The following ATP13A4 variants were observed in gnomAD, a reference collection of about 807,000 sequenced individuals.
The protein encoded by ATP13A4 is probable cation-transporting ATPase 13A4.
ATP13A4 carries 114 observed loss-of-function variants against 142.5 expected under a neutral mutation model. That is an observed-to-expected ratio of 0.80 (90% CI 0.69 to 0.93). ATP13A4 has a LOEUF of 0.93. Among genes scored for constraint, ATP13A4 ranks in the 40% least tolerant of loss-of-function variants. The probability of loss-of-function intolerance (pLI) is 0.00; values close to 1 mark genes in which losing one functional copy is unlikely to be tolerated. For missense variants in ATP13A4, 1,392 were observed against 1,454.0 expected (o/e 0.96, Z 0.69); for synonymous variants, 488 against 514.8 (o/e 0.95, Z 0.70).
intron 3 of ATP13A4, among the ~76,000 whole-genome samples, chr3:193,498,878 T>A (rs1442085889): frequency 6.6e-6 from 1 of 152,234 alleles, no homozygotes; most frequent in African/African-American, 2.4e-5. Flanking sequence ...TTATAACCAT[T>A]AGATACATTT....
intron 21 of ATP13A4, 69 bp from the exon 22 acceptor site, chr3:193,439,134 C>T: frequency 6.2e-6 from 9 of 1,446,940 alleles, no homozygotes. Context: ...ATTAAAAAAA[C>T]AAAGTAACCA....
At chr3:193,409,192 T>A (rs190331601) in intron 28 of ATP13A4, among the ~76,000 whole-genome samples, 1 of 152,134 alleles carries the variant, frequency 6.6e-6, no homozygotes. Flanking sequence ...AGTTTCTAGG[T>A]TGCAAAACAA....
chr3:193,527,625 A>C (rs1179366002), intron 1 of ATP13A4, among the ~76,000 whole-genome samples: 1 of 151,070 alleles, frequency 6.6e-6, no homozygotes, highest in Non-Finnish European at 1.5e-5. Flanking sequence ...AAAAAAAAAA[A>C]AGGGCAGCAC....
rs1176950803 is a variant in ATP13A4 at position 193,526,615 on chromosome 3, TA to T, written c.61-11745del. Among the ~76,000 whole-genome samples the T allele has an allele frequency of 2.6e-5, 4 of 152,106 alleles. No individual in the cohort carries two copies. In the East Asian group the frequency reaches 7.7e-4, roughly 29 times the overall value. On this transcript the variant is annotated intron_variant, in intron 1 of 29. Transcript: ENST00000342695. Reference sequence around the variant, plus strand: ...TTCACATGTATCCCAGAACTTAAAGTAAAATAACAAAGAATTTTAAAATAAT... The same window carrying T: ...TTCACATGTATCCCAGAACTTAAAGTAAATAACAAAGAATTTTAAAATAAT...
At chr3:193,502,294 C>T (rs868454326) in intron 3 of ATP13A4, among the ~76,000 whole-genome samples, 199 bp downstream of exon 3, 1 of 152,060 alleles carries the variant, frequency 6.6e-6, no homozygotes. Context: ...AGAAAACAGG[C>T]TCAGCAGAGT....
At chr3:193,432,738 TAAAAG>T (rs1029415831) in intron 25 of ATP13A4, among the ~76,000 whole-genome samples, 5 of 150,044 alleles carry the variant, frequency 3.3e-5, no homozygotes, top group African/African-American at 9.8e-5. Flanking sequence ...AGTATAATAA[TAAAAG>T]AAAAGAAAAG....
chr3:193,471,311 C>T (rs9881657), intron 8 of ATP13A4, among the ~76,000 whole-genome samples: 36 of 152,030 alleles, frequency 2.4e-4, no homozygotes, highest in African/African-American at 7.7e-4. Context: ...GCCTGTAATC[C>T]CAGCACTTTT....
chr3:193,445,825 G>A (rs193212487), intron 18 of ATP13A4, among the ~76,000 whole-genome samples: 56 of 151,530 alleles, frequency 3.7e-4, no homozygotes, highest in African/African-American at 1.2e-3. Flanking sequence ...CCCCACACAC[G>A]ATTTAAGAAC....
At chr3:193,530,888 ACT>A (rs1328921481) in intron 1 of ATP13A4, among the ~76,000 whole-genome samples, 1 of 151,656 alleles carries the variant, frequency 6.6e-6, no homozygotes, top group East Asian at 1.9e-4. Flanking sequence ...TTCAGCCTCA[ACT>A]CTCTGTTCTC....
rs1460910480 is a variant in ATP13A4, at chr3:193,480,716, T to C, written c.808+3220A>G. Reference sequence around the variant, plus strand: ...AGTAAAACTGCTATGGAAAACACTATGGAGATTCCTTAAAGAACTAAAAGT... The same window carrying C: ...AGTAAAACTGCTATGGAAAACACTACGGAGATTCCTTAAAGAACTAAAAGT... On this transcript the variant is annotated intron_variant, in intron 8 of 29. Transcript: ENST00000342695. Among the ~76,000 whole-genome samples the C allele has an allele frequency of 2.0e-5, 3 of 152,188 alleles. No individual in the cohort carries two copies. The East Asian group carries it at 5.8e-4, about 29-fold the overall frequency.
At chr3:193,522,327 T>C (rs1297717119) in intron 1 of ATP13A4, among the ~76,000 whole-genome samples, 1 of 152,218 alleles carries the variant, frequency 6.6e-6, no homozygotes, top group Non-Finnish European at 1.5e-5. Context: ...TTGAAGTTCA[T>C]GAAAACTTAC....
rs1252390657 is a variant in ATP13A4 at position 193,554,660 on chromosome 3, G to A, written c.60+80C>T. ...GTGTGTGTGTGATGCGTGCGTGTGT[G>A]TGTGTGTGTGTGTGTGTGTGTGTGT... On this transcript the variant is annotated intron_variant, in intron 1 of 29. Coordinates refer to ENST00000342695, the MANE Select transcript of ATP13A4 (RefSeq NM_032279.4). 55 of 245,476 alleles carry A rather than the reference G, an allele frequency of 2.2e-4. No homozygotes were observed. In the South Asian group the frequency reaches 5.3e-3, roughly 23 times the overall value. The allele number at this position is 245,476 out of a possible 1,614,324, so 15.2% of individuals were successfully genotyped here. A position where few individuals can be genotyped will look rare whatever the true frequency, so the allele number is the denominator to read the frequency against.
intron 1 of ATP13A4, among the ~76,000 whole-genome samples, chr3:193,540,511 C>G (rs147921321): frequency 1.7e-3 from 186 of 106,508 alleles, no homozygotes; most frequent in African/African-American, 6.7e-3. Context: ...GATTTTAGGT[C>G]ACTAAGGCTC....
rs1440250943 is a variant in ATP13A4 at position 193,432,257 on chromosome 3, TACTAA to T, written c.2842+1583_2842+1587del. Among the ~76,000 whole-genome samples, 524 of 152,050 alleles carry T rather than the reference TACTAA, an allele frequency of 3.4e-3. 4 individuals carry two copies. The highest frequency in any genetic ancestry group is 0.012 in the African/African-American group (503 of 41,438). On this transcript the variant is annotated intron_variant, in intron 25 of 29. Coordinates refer to ENST00000342695, the MANE Select transcript of ATP13A4 (RefSeq NM_032279.4). ...TGGCCAAAATCCAGAACACTAACAA[TACTAA>T]ATGCTGGTGAGTATGTGAAGCAACA... is the stretch of plus-strand genomic sequence containing the variant.
chr3:193,566,681 C>T (rs530526863), intron 2 of ATP13A4, among the ~76,000 whole-genome samples: 1 of 152,320 alleles, frequency 6.6e-6, no homozygotes, highest in African/African-American at 2.4e-5. Context: ...CTACATTCCT[C>T]ACCCCTTTCA....
chr3:193,538,896 T>TC (rs1258218121), intron 1 of ATP13A4, among the ~76,000 whole-genome samples: 2 of 147,610 alleles, frequency 1.4e-5, no homozygotes, highest in Non-Finnish European at 3.0e-5. Flanking sequence ...TTTTTTCTTT[T>TC]TTTTTTTTTT....
intron 1 of ATP13A4, among the ~76,000 whole-genome samples, chr3:193,547,638 A>G (rs1723299072): frequency 6.6e-6 from 1 of 152,154 alleles, no homozygotes; most frequent in African/African-American, 2.4e-5. Flanking sequence ...TTCTGTATGC[A>G]TAGCTCTCAA....
intron 20 of ATP13A4, among the ~76,000 whole-genome samples, chr3:193,440,901 A>G (rs569448375): frequency 3.3e-5 from 5 of 152,330 alleles, no homozygotes; most frequent in African/African-American, 1.2e-4. Context: ...AATTTACCTC[A>G]GCTGTCACGG....
Position 193,502,509 on chromosome 3 carries a change from C to T in ATP13A4, c.365G>A (p.Arg122Lys), listed in dbSNP as rs1462642140. ...TTTACTTACCTTTAGGTCTGGCTTT[C>T]TTATGGCTCTATTTATGATATACTC... ...DEEYIINRAI[R>K]KPDLKVRCIK... The change falls in exon 3 of 30, where the codon AGA becomes AAA. Residue 122 changes from arginine (R) to lysine (K), a missense_variant. Transcript: ENST00000342695. The T allele has an allele frequency of 6.2e-7, 1 of 1,614,074 alleles. No homozygotes were observed. The highest frequency in any genetic ancestry group is 1.6e-4 in the Middle Eastern group (1 of 6,062).
Sources: allele counts gnomAD v4.1 joint callset (sites outside exome capture counted in the v4.1 genomes callset), GRCh38; gene constraint gnomAD v4.1.1; transcripts MANE v1.5; gene names NCBI Gene and HGNC (gene_info 2026-07-23, HGNC 2026-07-21).